Variants in TENM3 observed in about 807,000 individuals in gnomAD.
TENM3 encodes the protein teneurin-3.
TENM3 carries 63 observed loss-of-function variants against 255.1 expected under a neutral mutation model. The ratio of observed to expected loss-of-function variants is 0.25; its 90% confidence interval spans 0.20 to 0.30. The LOEUF (loss-of-function observed/expected upper bound fraction) is 0.30. Among genes scored for constraint, TENM3 ranks in the 10% least tolerant of loss-of-function variants. The pLI is 1.00. For missense variants in TENM3, 2,929 were observed against 3,461.1 expected (o/e 0.85, Z 3.86); for synonymous variants, 1,306 against 1,322.3 (o/e 0.99, Z 0.27).
chr4:181,635,556 C>T, the TENM3 span, among the ~76,000 whole-genome samples: 1 of 152,154 alleles, frequency 6.6e-6, no homozygotes, highest in African/African-American at 2.4e-5. Flanking sequence ...CCCAGGAAAC[C>T]TGTCAGAGGA....
intron 3 of TENM3, among the ~76,000 whole-genome samples, chr4:182,548,155 G>A (rs1285262407): frequency 6.6e-6 from 1 of 152,216 alleles, no homozygotes; most frequent in East Asian, 1.9e-4. Context: ...AGCCCAGGAG[G>A]TGGAGGGTGC....
chr4:181,657,076 G>A, the TENM3 span, among the ~76,000 whole-genome samples: 16 of 152,248 alleles, frequency 1.1e-4, no homozygotes, highest in South Asian at 2.1e-4. Flanking sequence ...TAAAAAGAAC[G>A]AAGAGGGAAA....
rs1217180305 is a variant in TENM3 at position 182,517,435 on chromosome 4, G to C, written c.512-83489G>C. Reference sequence around the variant, plus strand: ...GTCTCGCTCTGTCGCCCAGGCTGGAGTGCAGTGGTGCGATCTCGGCTCGCT... The same window carrying C: ...GTCTCGCTCTGTCGCCCAGGCTGGACTGCAGTGGTGCGATCTCGGCTCGCT... On this transcript the variant is annotated intron_variant, in intron 3 of 27. Transcript: ENST00000511685. Among the ~76,000 whole-genome samples, 19 of 121,760 alleles carry C rather than the reference G, an allele frequency of 1.6e-4. 1 individual carries two copies. The highest frequency in any genetic ancestry group is 6.1e-4 in the African/African-American group (19 of 31,104). The allele number at this position is 121,760 out of a possible 152,430, so 79.9% of individuals were successfully genotyped here.
At chr4:182,016,745 GC>G in the TENM3 span, among the ~76,000 whole-genome samples, 2 of 152,060 alleles carry the variant, frequency 1.3e-5, no homozygotes, top group African/African-American at 4.8e-5. Context: ...ATGAACATAG[GC>G]CATTAACATA....
At chr4:181,626,863 T>C in the TENM3 span, among the ~76,000 whole-genome samples, 1 of 152,154 alleles carries the variant, frequency 6.6e-6, no homozygotes, top group Non-Finnish European at 1.5e-5. Context: ...GCTCTAAGTG[T>C]TGCGTGAAAA....
the TENM3 span, among the ~76,000 whole-genome samples, chr4:181,574,447 C>T: frequency 6.6e-6 from 1 of 151,492 alleles, no homozygotes. Context: ...AGGAGAATGG[C>T]GTGAACCCGG....
At position 182,793,176 on chromosome 4, in the gene TENM3, G is replaced by C. The variant is rs142725724; in HGVS notation, c.6504G>C (p.Ala2168=). 188 of 1,613,978 alleles carry C rather than the reference G, an allele frequency of 1.2e-4. 1 individual carries two copies. In the South Asian group the frequency reaches 1.8e-3, roughly 15 times the overall value. ...NLHLLNPSNS[A]RLTPLRYDLR... The stretch of plus-strand genomic sequence containing the variant: ...ATTTACTGAACCCAAGTAACAGTGC[G>C]CGTCTGACACCCCTTCGCTATGACC... The change falls in exon 26 of 28, where the codon GCG becomes GCC. Residue 2168 remains alanine (A), a synonymous_variant. Transcript: ENST00000511685. This position sits in a 1 kb window ranked among gnomAD's most constrained non-coding sequence, Gnocchi z 5.7.
chr4:182,000,499 G>C, the TENM3 span, among the ~76,000 whole-genome samples: 1 of 152,050 alleles, frequency 6.6e-6, no homozygotes, highest in Non-Finnish European at 1.5e-5. Flanking sequence ...TTATAGGATG[G>C]TCTCTACTTA....
chr4:182,457,806 T>C (rs1422445525), intron 3 of TENM3, among the ~76,000 whole-genome samples: 1 of 152,198 alleles, frequency 6.6e-6, no homozygotes, highest in Non-Finnish European at 1.5e-5. Context: ...CACGCAGTCC[T>C]CCTGCCTCGG....
the TENM3 span, among the ~76,000 whole-genome samples, chr4:182,024,423 G>T: frequency 6.6e-6 from 1 of 152,024 alleles, no homozygotes; most frequent in Non-Finnish European, 1.5e-5. Context: ...CTGGTTGGTT[G>T]TTTGTTTACA....
the TENM3 span, among the ~76,000 whole-genome samples, chr4:181,800,534 G>A: frequency 0.017 from 2,612 of 152,296 alleles, 64 homozygotes; most frequent in African/African-American, 0.06. Context: ...TCAGGAGGCT[G>A]AGGTGGAAGA....
intron 3 of TENM3, among the ~76,000 whole-genome samples, chr4:182,506,776 G>A (rs1736857312): frequency 6.6e-6 from 1 of 152,132 alleles, no homozygotes; most frequent in African/African-American, 2.4e-5. Flanking sequence ...ACTTGGCGCT[G>A]TATACGAAAA....
intron 3 of TENM3, among the ~76,000 whole-genome samples, chr4:182,590,637 A>G (rs1185534211): frequency 6.6e-6 from 1 of 151,298 alleles, no homozygotes; most frequent in Non-Finnish European, 1.5e-5. Context: ...AGGCAGGTGG[A>G]TCACGAGATG....
chr4:182,232,337 C>T (rs997629644), intron 1 of TENM3, among the ~76,000 whole-genome samples: 1 of 152,126 alleles, frequency 6.6e-6, no homozygotes, highest in Non-Finnish European at 1.5e-5. Flanking sequence ...ACTTGCTACC[C>T]CTATTATCAG....
the TENM3 span, among the ~76,000 whole-genome samples, chr4:181,649,673 T>A: frequency 6.6e-6 from 1 of 152,354 alleles, no homozygotes; most frequent in East Asian, 1.9e-4. Context: ...ATCCGTGATT[T>A]GTTTGTTTTA....
the TENM3 span, among the ~76,000 whole-genome samples, chr4:181,973,923 G>C: frequency 2.6e-5 from 4 of 152,210 alleles, no homozygotes; most frequent in African/African-American, 9.6e-5. Context: ...AACATAGAGG[G>C]CAATGCCCAT....
chr4:181,482,508 C>A, the TENM3 span, among the ~76,000 whole-genome samples: 1 of 152,088 alleles, frequency 6.6e-6, no homozygotes, highest in Non-Finnish European at 1.5e-5. Context: ...AGTGTAGCTA[C>A]TTTGTGGAGA....
At chr4:182,669,153 C>CA (rs1754978568) in intron 6 of TENM3, among the ~76,000 whole-genome samples, 1 of 152,112 alleles carries the variant, frequency 6.6e-6, no homozygotes, top group Admixed American at 6.6e-5. Context: ...AACAGCTACT[C>CA]TACTCAGTAC....
the TENM3 span, among the ~76,000 whole-genome samples, chr4:181,970,991 A>G: frequency 2.6e-5 from 4 of 152,118 alleles, no homozygotes; most frequent in South Asian, 2.1e-4. Flanking sequence ...TCTATTGTCC[A>G]GGCTGGAGTG....
Sources: gnomAD v4.1 joint callset for allele counts (sites outside exome capture counted in the v4.1 genomes callset) on GRCh38, gnomAD v4.1.1 for gene constraint, Gnocchi (gnomAD v3.1) non-coding constraint, MANE v1.5 for transcripts, NCBI Gene and HGNC (gene_info 2026-07-23, HGNC 2026-07-21) for gene names.